CDYL: variants seen among roughly 807,000 people sequenced by gnomAD.
CDYL encodes the protein chromodomain Y-like protein.
In CDYL, 8 loss-of-function variants were observed where a neutral mutation model predicts 47.3. The ratio of observed to expected loss-of-function variants is 0.17; its 90% CI spans 0.10 to 0.31. The LOEUF is 0.31. Among genes scored for constraint, CDYL ranks in the 10% least tolerant of loss-of-function variants. The probability of loss-of-function intolerance (pLI) is 1.00; values close to 1 mark genes in which losing one functional copy is unlikely to be tolerated. For synonymous variants in CDYL, 266 were observed against 265.0 expected, an observed-to-expected ratio of 1.00 and a Z score of -0.04; for missense variants, 471 against 701.4, an observed-to-expected ratio of 0.67 and a Z score of 3.71.
intron 2 of CDYL, among the ~76,000 whole-genome samples, chr6:4,723,145 TATAA>T (rs1254284927): frequency 6.6e-6 from 1 of 152,094 alleles, no homozygotes; most frequent in African/African-American, 2.4e-5. Context: ...AATACAACAA[TATAA>T]ATAATACAAA....
At chr6:4,732,274 G>A (rs1757618791) in intron 2 of CDYL, among the ~76,000 whole-genome samples, 1 of 152,126 alleles carries the variant, frequency 6.6e-6, no homozygotes, top group Non-Finnish European at 1.5e-5. Context: ...GATTGCAAAT[G>A]TAGTGAGCTC....
Position 4,834,019 on chromosome 6 carries a change from CTT to C in CDYL, c.24+57214_24+57215del, listed in dbSNP as rs1400109136. Among the ~76,000 whole-genome samples, 10 of 151,396 alleles carry C rather than the reference CTT, an allele frequency of 6.6e-5. No individual in the cohort carries two copies. In the South Asian group the frequency reaches 1.9e-3, roughly 28 times the overall value. On this transcript the variant is annotated intron_variant, in intron 1 of 6. Transcript: ENST00000397588. ...TACAACACACTGATGGGTCTTGACT[CTT>C]TATCCAATTTGCCAGTCTGTGTCTT...
intron 2 of CDYL, among the ~76,000 whole-genome samples, chr6:4,896,249 C>A (rs1005698193): frequency 6.6e-6 from 1 of 152,194 alleles, no homozygotes; most frequent in African/African-American, 2.4e-5. Context: ...CTGGTGGAGC[C>A]CCTGACAGCA....
At chr6:4,832,151 G>A (rs992112074) in intron 1 of CDYL, among the ~76,000 whole-genome samples, 1 of 151,966 alleles carries the variant, frequency 6.6e-6, no homozygotes, top group Non-Finnish European at 1.5e-5. Context: ...CCTGTCTTGT[G>A]CCAGTTTTCA....
intron 3 of CDYL, among the ~76,000 whole-genome samples, chr6:4,746,360 C>CA (rs1157122372): frequency 0.034 from 3,192 of 94,944 alleles, 54 homozygotes; most frequent in South Asian, 0.048. Flanking sequence ...CAGACTCTCT[C>CA]AAAAAAAAAA....
intron 1 of CDYL, among the ~76,000 whole-genome samples, chr6:4,788,871 TG>T (rs1758837903): frequency 6.6e-6 from 1 of 152,018 alleles, no homozygotes. Flanking sequence ...TCTGCTGTTC[TG>T]GGATGAAGGA....
At chr6:4,869,630 C>A (rs193042625) in intron 1 of CDYL, among the ~76,000 whole-genome samples, 1 of 152,158 alleles carries the variant, frequency 6.6e-6, no homozygotes. Context: ...TTATTGATTG[C>A]TGTAGGGATT....
rs563071304 is a variant in CDYL, at chr6:4,724,194, T to C, written c.103+8313T>C. Among the ~76,000 whole-genome samples the C allele has an allele frequency of 1.7e-3, 254 of 151,802 alleles. 2 individuals carry two copies. The Middle Eastern group carries it at 0.02, about 12-fold the overall frequency. On this transcript the variant is annotated intron_variant, in intron 2 of 8. Coordinates refer to the CDYL transcript ENST00000328908. ...TAGCTGGGACCACAGGCATGTGCCA[T>C]CACACCCAGCTAATTTTTGTATTTT...
intron 2 of CDYL, among the ~76,000 whole-genome samples, chr6:4,723,874 C>T (rs1025187977): frequency 1.3e-5 from 2 of 152,224 alleles, no homozygotes; most frequent in Non-Finnish European, 2.9e-5. Flanking sequence ...TCTAACCGGT[C>T]CCTGCAGAAT....
intron 1 of CDYL, chr6:4,836,338 T>C: frequency 1.2e-6 from 1 of 841,230 alleles, no homozygotes; most frequent in Non-Finnish European, 1.4e-6. Context: ...TTTATACGTG[T>C]GCTTTCAGAA....
At chr6:4,909,117 G>A (rs938413207) in intron 2 of CDYL, among the ~76,000 whole-genome samples, 1 of 152,174 alleles carries the variant, frequency 6.6e-6, no homozygotes, top group African/African-American at 2.4e-5. Flanking sequence ...CTTTGGTTTT[G>A]TTGCTCTGTG....
intron 2 of CDYL, among the ~76,000 whole-genome samples, chr6:4,912,251 C>T (rs1271298865): frequency 6.6e-6 from 1 of 151,558 alleles, no homozygotes; most frequent in Non-Finnish European, 1.5e-5. Flanking sequence ...TTTTCCTGAC[C>T]ATTAGGAAAA....
At chr6:4,728,595 T>C (rs1757553873) in intron 2 of CDYL, among the ~76,000 whole-genome samples, 1 of 152,202 alleles carries the variant, frequency 6.6e-6, no homozygotes, top group African/African-American at 2.4e-5. Flanking sequence ...CAGATTCCCC[T>C]GCACACCTGA....
At chr6:4,927,964 TG>T (rs749955957) in intron 2 of CDYL, among the ~76,000 whole-genome samples, 4 of 152,246 alleles carry the variant, frequency 2.6e-5, no homozygotes, top group Non-Finnish European at 5.9e-5. Context: ...TCATGATGCA[TG>T]TATCCTCATC....
intron 2 of CDYL, among the ~76,000 whole-genome samples, chr6:4,905,269 A>G (rs1757196254): frequency 6.6e-6 from 1 of 152,112 alleles, no homozygotes; most frequent in Non-Finnish European, 1.5e-5. Flanking sequence ...CCACTCAGGA[A>G]TTCTCGTTGG....
chr6:4,849,222 A>G (rs1760749885), intron 1 of CDYL, among the ~76,000 whole-genome samples: 1 of 152,222 alleles, frequency 6.6e-6, no homozygotes, highest in Admixed American at 6.5e-5. Context: ...CAACATGTAT[A>G]AAGCAACATT....
At position 4,862,118 on chromosome 6, in the gene CDYL, T is replaced by C. The variant is rs9504274; in HGVS notation, c.25-29595T>C. Among the ~76,000 whole-genome samples, 648 of 152,184 alleles carry C rather than the reference T, an allele frequency of 4.3e-3. 3 individuals carry two copies. The highest frequency in any genetic ancestry group is 0.015 in the African/African-American group (604 of 41,506). On this transcript the variant is annotated intron_variant, in intron 1 of 6. Coordinates refer to ENST00000397588, the MANE Select transcript of CDYL (RefSeq NM_004824.4). ...CGGGTACTGTGCAGGTCTCTGTGTG[T>C]GCCAGGTTCTGTTGCTGTTTTAACG...
At chr6:4,871,912 G>A (rs567625658) in intron 1 of CDYL, among the ~76,000 whole-genome samples, 2 of 152,184 alleles carry the variant, frequency 1.3e-5, no homozygotes, top group Non-Finnish European at 1.5e-5. Context: ...AGCCTGCATC[G>A]TGAGGTTGGA....
chr6:4,888,045 T>A (rs1381203248), intron 1 of CDYL, among the ~76,000 whole-genome samples: 1 of 152,154 alleles, frequency 6.6e-6, no homozygotes. Flanking sequence ...TTGGAATAAA[T>A]CCTTCTTGGT....
Sources: gnomAD v4.1 joint callset for allele counts (sites outside exome capture counted in the v4.1 genomes callset) on GRCh38, gnomAD v4.1.1 for gene constraint, MANE v1.5 for transcripts, NCBI Gene and HGNC (gene_info 2026-07-23, HGNC 2026-07-21) for gene names.